Variants in NOVA1 observed in about 807,000 individuals in gnomAD.
NOVA1 encodes NOVA alternative splicing regulator 1, also known as RNA-binding protein Nova-1.
NOVA1 carries 7 observed loss-of-function variants against 38.0 expected under a neutral mutation model. The observed-to-expected ratio is 0.18, with a 90% CI of 0.10 to 0.35. The LOEUF is 0.35. NOVA1 is among the 10% of genes least tolerant of loss of function. The pLI, the probability that NOVA1 is intolerant of heterozygous loss-of-function variation, is 1.00. For synonymous variants in NOVA1, 270 were observed against 232.5 expected, an observed-to-expected ratio of 1.16 and a Z score of -1.47; for missense variants, 460 against 616.0, an observed-to-expected ratio of 0.75 and a Z score of 2.68.
At chr14:26,466,061 A>G (rs1255483932) in intron 4 of NOVA1, among the ~76,000 whole-genome samples, 1 of 152,124 alleles carries the variant, frequency 6.6e-6, no homozygotes, top group Non-Finnish European at 1.5e-5. Context: ...TAGACTAGAA[A>G]GCGATGAAGA....
chr14:26,582,122 TA>T (rs1594577849), intron 2 of NOVA1, among the ~76,000 whole-genome samples: 2 of 151,976 alleles, frequency 1.3e-5, no homozygotes, highest in East Asian at 3.9e-4. Flanking sequence ...TCTGGCTTTT[TA>T]AAACACAGAA....
intron 2 of NOVA1, among the ~76,000 whole-genome samples, chr14:26,495,854 C>G (rs1303469498): frequency 2.3e-5 from 3 of 129,264 alleles, no homozygotes; most frequent in African/African-American, 8.0e-5. Context: ...GCATAGTATT[C>G]CATGGTGTAT....
At chr14:26,547,849 T>C (rs1890891570) in intron 2 of NOVA1, among the ~76,000 whole-genome samples, 1 of 152,122 alleles carries the variant, frequency 6.6e-6, no homozygotes, top group Non-Finnish European at 1.5e-5. Flanking sequence ...GTATTGACAT[T>C]TACTTCTTTA....
At chr14:26,576,874 G>T (rs542849951) in intron 2 of NOVA1, among the ~76,000 whole-genome samples, 1 of 151,922 alleles carries the variant, frequency 6.6e-6, no homozygotes, top group South Asian at 2.1e-4. Flanking sequence ...TGTGATAAGA[G>T]CATGTAAAAT....
chr14:26,481,772 T>C (rs1220334870), intron 2 of NOVA1, among the ~76,000 whole-genome samples: 8 of 152,038 alleles, frequency 5.3e-5, no homozygotes, highest in African/African-American at 1.9e-4. Context: ...TAAAATGATC[T>C]AGTTTATGGG....
Position 26,447,086 on chromosome 14 carries a change from AAT to A in NOVA1, c.*871_*872del, listed in dbSNP as rs1882139639. ...AGATAATGAAACATTATCAGCTATC[AAT>A]AATTTGTTGGCACTTTCACTTTTGT... On this transcript the variant is annotated 3_prime_UTR_variant, in exon 5 of 5. Coordinates refer to ENST00000539517, the MANE Select transcript of NOVA1 (RefSeq NM_002515.3). 1 of 152,684 alleles carries A rather than the reference AAT, an allele frequency of 6.5e-6. No homozygotes were observed. The highest frequency in any genetic ancestry group is 2.4e-5 in the African/African-American group (1 of 41,464). The allele number at this position is 152,684 out of a possible 1,614,324, so 9.5% of individuals were successfully genotyped here.
At chr14:26,514,277 A>C (rs1888303519) in intron 2 of NOVA1, among the ~76,000 whole-genome samples, 1 of 151,754 alleles carries the variant, frequency 6.6e-6, no homozygotes, top group Admixed American at 6.6e-5. Context: ...CAGACAAAAA[A>C]ATCAACTCTA....
intron 2 of NOVA1, among the ~76,000 whole-genome samples, chr14:26,500,105 C>A (rs1391520479): frequency 6.6e-6 from 1 of 151,950 alleles, no homozygotes; most frequent in Non-Finnish European, 1.5e-5. Flanking sequence ...GAAGTGTTAC[C>A]TGGTTTCCAC....
chr14:26,459,276 G>A (rs149249087), intron 4 of NOVA1, among the ~76,000 whole-genome samples: 1,599 of 151,996 alleles, frequency 0.011, 22 homozygotes, highest in Middle Eastern at 0.037. Flanking sequence ...CTTTTAATGT[G>A]CTTTTTGTTT....
chr14:26,590,791 T>C (rs1893797656), intron 2 of NOVA1, among the ~76,000 whole-genome samples: 1 of 151,822 alleles, frequency 6.6e-6, no homozygotes, highest in Non-Finnish European at 1.5e-5. Context: ...TGTAGATATA[T>C]TTCATTACAG....
chr14:26,536,743 A>C (rs1208736594), intron 2 of NOVA1, among the ~76,000 whole-genome samples: 1 of 152,178 alleles, frequency 6.6e-6, no homozygotes. Context: ...GGGGGGAAAG[A>C]TAACAGACTT....
At chr14:26,481,988 T>TTAA (rs922159329) in intron 2 of NOVA1, among the ~76,000 whole-genome samples, 3 of 105,962 alleles carry the variant, frequency 2.8e-5, no homozygotes, top group Admixed American at 8.8e-5. Context: ...TAGATAGAGA[T>TTAA]AAAAAAAAAA....
At chr14:26,536,158 A>C (rs1450185680) in intron 2 of NOVA1, among the ~76,000 whole-genome samples, 1 of 151,922 alleles carries the variant, frequency 6.6e-6, no homozygotes, top group Non-Finnish European at 1.5e-5. Flanking sequence ...TCTAAAAATC[A>C]AATTTATTGA....
chr14:26,521,296 A>G (rs1473590048), intron 2 of NOVA1, among the ~76,000 whole-genome samples: 1 of 152,108 alleles, frequency 6.6e-6, no homozygotes, highest in Admixed American at 6.6e-5. Flanking sequence ...TATTACTCTA[A>G]CAATACATGA....
chr14:26,478,753 A>C (rs2138286162), intron 3 of NOVA1, among the ~76,000 whole-genome samples: 1 of 152,074 alleles, frequency 6.6e-6, no homozygotes, highest in South Asian at 2.1e-4. Context: ...TACTTCTTTT[A>C]AGACTTATGA....
intron 2 of NOVA1, among the ~76,000 whole-genome samples, chr14:26,507,936 C>T (rs1197045372): frequency 2.0e-5 from 3 of 151,680 alleles, no homozygotes; most frequent in African/African-American, 4.8e-5. Flanking sequence ...AAAGAATAAA[C>T]AAATTCTGTC....
chr14:26,496,974 C>T (rs902228380), intron 2 of NOVA1, among the ~76,000 whole-genome samples: 17 of 152,224 alleles, frequency 1.1e-4, no homozygotes, highest in African/African-American at 2.6e-4. Flanking sequence ...CTTGGCGATG[C>T]GGGCTCTTTT....
intron 2 of NOVA1, among the ~76,000 whole-genome samples, chr14:26,550,679 G>T (rs1050238832): frequency 6.6e-6 from 1 of 152,116 alleles, no homozygotes; most frequent in Non-Finnish European, 1.5e-5. Context: ...CAGCTACTAT[G>T]TATATACTAC....
chr14:26,551,761 A>G (rs1337007017), intron 2 of NOVA1, among the ~76,000 whole-genome samples: 2 of 152,056 alleles, frequency 1.3e-5, no homozygotes, highest in South Asian at 4.1e-4. Flanking sequence ...TTTTTTAAAA[A>G]GTAATGCACA....
Sources: gnomAD v4.1 joint callset for allele counts (sites outside exome capture counted in the v4.1 genomes callset) on GRCh38, gnomAD v4.1.1 for gene constraint, MANE v1.5 for transcripts, NCBI Gene and HGNC (gene_info 2026-07-23, HGNC 2026-07-21) for gene names.